KIAA1217: variants seen among roughly 807,000 people sequenced by gnomAD.
KIAA1217 encodes the protein sickle tail protein homolog.
A neutral mutation model predicts 163.9 loss-of-function variants in KIAA1217; 88 were observed. The observed-to-expected ratio is 0.54, with a 90% CI of 0.45 to 0.64. The LOEUF (loss-of-function observed/expected upper bound fraction) is 0.64, where lower values mean the gene tolerates loss of function less well. Ranked by LOEUF, KIAA1217 falls within the 30% of genes least tolerant of loss-of-function variation. The pLI, the probability that KIAA1217 is intolerant of heterozygous loss-of-function variation, is 0.00. For synonymous variants in KIAA1217, 903 were observed against 923.1 expected (o/e 0.98, Z 0.39); for missense variants, 2,372 against 2,475.0 (o/e 0.96, Z 0.88).
At chr10:23,802,371 C>A (rs1262080124) in intron 1 of KIAA1217, among the ~76,000 whole-genome samples, 1 of 152,140 alleles carries the variant, frequency 6.6e-6, no homozygotes. Context: ...AAATATTGTT[C>A]CAATAGTACA....
At chr10:24,227,491 G>A (rs776726071) in intron 2 of KIAA1217, among the ~76,000 whole-genome samples, 3 of 150,876 alleles carry the variant, frequency 2.0e-5, no homozygotes, top group Non-Finnish European at 4.4e-5. Flanking sequence ...ATTACAGGGG[G>A]CAAAAATAAG....
upstream of KIAA1217, among the ~76,000 whole-genome samples, chr10:24,205,650 G>A (rs915323189): frequency 1.3e-5 from 2 of 151,908 alleles, no homozygotes; most frequent in African/African-American, 2.4e-5. Context: ...GCATGTGCCT[G>A]TAGTCCCAGC....
chr10:23,999,053 T>C (rs1846624904), intron 1 of KIAA1217, among the ~76,000 whole-genome samples: 1 of 152,220 alleles, frequency 6.6e-6, no homozygotes. Context: ...TCACTAAAAA[T>C]AGCCATATAC....
intron 9 of KIAA1217, among the ~76,000 whole-genome samples, chr10:24,504,400 T>TATTCC (rs945191917): frequency 4.6e-5 from 7 of 152,216 alleles, no homozygotes; most frequent in African/African-American, 1.7e-4. Context: ...TCTGCATTTG[T>TATTCC]ATTCCCTGGG....
Position 24,542,731 on chromosome 10 carries a change from T to C in KIAA1217, c.3573T>C (p.Asp1191=). 1 of 1,614,178 alleles carries C rather than the reference T, an allele frequency of 6.2e-7. No homozygotes were observed. Among genetic ancestry groups the C allele is most frequent in the Non-Finnish European group, 8.5e-7 (1 of 1,180,028 alleles). The change falls in exon 18 of 21, where the codon GAT becomes GAC. Residue 1191 remains aspartate, a synonymous_variant. Coordinates refer to ENST00000376454, the MANE Select transcript of KIAA1217 (RefSeq NM_019590.5). ...TCCATGAAGATGTACGGAAATCTGA[T>C]GTTGAATATGAAAATGGCCCCCAAA... The part of the protein sequence containing the change: ...EFFHEDVRKS[D]VEYENGPQME...
At chr10:24,456,151 G>A (rs2061765937) in intron 5 of KIAA1217, among the ~76,000 whole-genome samples, 1 of 152,192 alleles carries the variant, frequency 6.6e-6, no homozygotes, top group Non-Finnish European at 1.5e-5. Flanking sequence ...CTCCCAAAGT[G>A]CTGGGACTAC....
intron 2 of KIAA1217, among the ~76,000 whole-genome samples, chr10:24,019,552 A>C (rs1847643719): frequency 6.6e-6 from 1 of 151,980 alleles, no homozygotes; most frequent in Non-Finnish European, 1.5e-5. Flanking sequence ...GGGAGGGCAG[A>C]CTTCTGTGAA....
chr10:23,888,105 G>A (rs1290684338), intron 1 of KIAA1217, among the ~76,000 whole-genome samples: 1 of 151,910 alleles, frequency 6.6e-6, no homozygotes, highest in Non-Finnish European at 1.5e-5. Context: ...GTTTGCAATT[G>A]TTTTTGTGTA....
Position 24,532,013 on chromosome 10 carries a change from G to A in KIAA1217, c.3246+20G>A, listed in dbSNP as rs2073194949. 4 of 1,472,264 alleles carry A rather than the reference G, an allele frequency of 2.7e-6. No individual in the cohort carries two copies. The highest frequency in any genetic ancestry group is 3.6e-6 in the Non-Finnish European group (4 of 1,100,378). The allele number at this position is 1,472,264 out of a possible 1,614,324, so 91.2% of individuals were successfully genotyped here. On this transcript the variant is annotated intron_variant, in intron 15 of 20. Transcript: ENST00000376454. ...GCTAAGGTCTGATAGGCTAAGCCCT[G>A]GTAAACTGGCCTCTGGGTTCAGATG...
intron 2 of KIAA1217, among the ~76,000 whole-genome samples, chr10:24,200,913 A>G (rs2067226621): frequency 6.6e-6 from 1 of 152,048 alleles, no homozygotes; most frequent in Non-Finnish European, 1.5e-5. Flanking sequence ...GCTGCTGAAC[A>G]TGTTGGGTGA....
chr10:23,888,743 A>G (rs1841292487), intron 1 of KIAA1217, among the ~76,000 whole-genome samples: 1 of 151,954 alleles, frequency 6.6e-6, no homozygotes, highest in African/African-American at 2.4e-5. Flanking sequence ...TATAATTTGC[A>G]TAAAGTAAAT....
chr10:23,733,197 G>C (rs554529047), intron 1 of KIAA1217, among the ~76,000 whole-genome samples: 131 of 152,104 alleles, frequency 8.6e-4, no homozygotes, highest in African/African-American at 3.0e-3. Flanking sequence ...ATTTTTAGTA[G>C]AGATGGAGTT....
chr10:23,799,627 A>C (rs1836376264), intron 1 of KIAA1217, among the ~76,000 whole-genome samples: 1 of 152,192 alleles, frequency 6.6e-6, no homozygotes, highest in African/African-American at 2.4e-5. Flanking sequence ...ATTAGGACCT[A>C]CTAATTAATT....
At chr10:24,181,461 A>G (rs1279658434) in intron 2 of KIAA1217, among the ~76,000 whole-genome samples, 1 of 152,168 alleles carries the variant, frequency 6.6e-6, no homozygotes, top group Admixed American at 6.5e-5. Flanking sequence ...GTCAAAGGAG[A>G]AAAGTAATAG....
At chr10:24,148,635 G>A (rs983322911) in intron 2 of KIAA1217, among the ~76,000 whole-genome samples, 2 of 152,112 alleles carry the variant, frequency 1.3e-5, no homozygotes, top group Non-Finnish European at 2.9e-5. Flanking sequence ...GTGATATGCC[G>A]GCTTCCCCTG....
chr10:24,287,152 G>A (rs2078623462), intron 2 of KIAA1217, among the ~76,000 whole-genome samples: 1 of 152,120 alleles, frequency 6.6e-6, no homozygotes, highest in African/African-American at 2.4e-5. Context: ...CTGGGTTGAA[G>A]CAATTCTCTT....
At chr10:24,338,137 C>T (rs1221598065) in intron 2 of KIAA1217, among the ~76,000 whole-genome samples, 1 of 152,184 alleles carries the variant, frequency 6.6e-6, no homozygotes, top group East Asian at 1.9e-4. Flanking sequence ...ATCTTTTTGT[C>T]ACCAGAAGTT....
At chr10:24,084,305 A>T (rs1465812585) in intron 2 of KIAA1217, among the ~76,000 whole-genome samples, 1 of 152,170 alleles carries the variant, frequency 6.6e-6, no homozygotes, top group Non-Finnish European at 1.5e-5. Flanking sequence ...TGTAAGCCCC[A>T]CGTGGGCAAG....
At chr10:23,917,735 G>A (rs1023876788) in intron 1 of KIAA1217, among the ~76,000 whole-genome samples, 1 of 152,186 alleles carries the variant, frequency 6.6e-6, no homozygotes, top group Non-Finnish European at 1.5e-5. Context: ...CTGACAAATG[G>A]TGTCTGTTTC....
Sources: gnomAD v4.1 joint callset for allele counts (sites outside exome capture counted in the v4.1 genomes callset) on GRCh38, gnomAD v4.1.1 for gene constraint, MANE v1.5 for transcripts, NCBI Gene and HGNC (gene_info 2026-07-23, HGNC 2026-07-21) for gene names.